Variants in PAPSS1 observed in about 807,000 individuals in gnomAD.
The protein encoded by PAPSS1 is bifunctional 3'-phosphoadenosine 5'-phosphosulfate synthase 1.
PAPSS1 carries 50 observed loss-of-function variants against 72.0 expected under a neutral mutation model. That is an observed-to-expected ratio of 0.69 (90% CI 0.55 to 0.88). PAPSS1 has a LOEUF of 0.88. Among genes scored for constraint, PAPSS1 ranks in the 40% least tolerant of loss-of-function variants. PAPSS1 has a pLI of 0.00. For synonymous variants in PAPSS1, 261 were observed against 263.6 expected, an observed-to-expected ratio of 0.99 and a Z score of 0.09; for missense variants, 657 against 782.2, an observed-to-expected ratio of 0.84 and a Z score of 1.91.
chr4:107,686,690 G>A (rs571085593), intron 4 of PAPSS1, among the ~76,000 whole-genome samples: 5 of 152,270 alleles, frequency 3.3e-5, no homozygotes, highest in African/African-American at 1.2e-4. Context: ...AATAGCTATG[G>A]GATTTCCTCC....
chr4:107,711,233 T>C (rs1445480468), intron 1 of PAPSS1, among the ~76,000 whole-genome samples: 1 of 152,244 alleles, frequency 6.6e-6, no homozygotes, highest in Admixed American at 6.5e-5. Context: ...GGCCATTTAA[T>C]ATTTACTACA....
chr4:107,631,438 T>G (rs59887652), intron 11 of PAPSS1, among the ~76,000 whole-genome samples, 193 bp downstream of exon 11: 16 of 152,304 alleles, frequency 1.1e-4, no homozygotes, highest in African/African-American at 3.6e-4. Context: ...CCTGAAACCA[T>G]GAAACTAGAT....
At chr4:107,655,605 G>C (rs1726982871) in intron 7 of PAPSS1, among the ~76,000 whole-genome samples, 2 of 152,128 alleles carry the variant, frequency 1.3e-5, no homozygotes, top group African/African-American at 4.8e-5. Flanking sequence ...AATAAAGTGT[G>C]CTCTCACATT....
intron 5 of PAPSS1, among the ~76,000 whole-genome samples, chr4:107,664,331 C>G (rs1727261760): frequency 6.6e-6 from 1 of 152,152 alleles, no homozygotes; most frequent in African/African-American, 2.4e-5. Context: ...TTGTCACAAT[C>G]CTAGAGAAGC....
At chr4:107,689,914 C>A (rs1722874763) in intron 3 of PAPSS1, among the ~76,000 whole-genome samples, 1 of 152,182 alleles carries the variant, frequency 6.6e-6, no homozygotes. Flanking sequence ...TCAGAAAGCA[C>A]CATGCTTCAT....
intron 10 of PAPSS1, among the ~76,000 whole-genome samples, chr4:107,634,480 C>G (rs762393429): frequency 1.3e-5 from 2 of 152,132 alleles, no homozygotes; most frequent in African/African-American, 4.8e-5. Context: ...TATTAATTTA[C>G]ATTCCCACCA....
chr4:107,617,861 C>T (rs17495025), intron 11 of PAPSS1, among the ~76,000 whole-genome samples: 36,409 of 152,108 alleles, frequency 0.24, 5,003 homozygotes, highest in Middle Eastern at 0.33. Context: ...CCATGATATA[C>T]GGGTCCATGC....
intron 1 of PAPSS1, among the ~76,000 whole-genome samples, chr4:107,718,621 C>A (rs1377221433): frequency 6.6e-6 from 1 of 152,228 alleles, no homozygotes; most frequent in Non-Finnish European, 1.5e-5. Context: ...CCATGAACTA[C>A]CAGAAGGCAA....
Position 107,687,163 on chromosome 4 carries a change from T to C in PAPSS1, c.426A>G (p.Ala142=), listed in dbSNP as rs1722808267. The C allele has an allele frequency of 1.9e-6, 3 of 1,576,678 alleles. No individual in the cohort carries two copies. The highest frequency in any genetic ancestry group is 1.7e-6 in the Non-Finnish European group (2 of 1,168,484). The change falls in exon 4 of 12, where the codon GCA becomes GCG. Residue 142 remains alanine (A), a synonymous_variant. Coordinates refer to ENST00000265174, the MANE Select transcript of PAPSS1 (RefSeq NM_005443.5). The stretch of plus-strand genomic sequence containing the variant: ...AACTTGCACCTTCATGAATTTGCCT[T>C]GCATTGTTGCGATCCTTAAAAAAAA... ...ISPYTQDRNN[A]RQIHEGASLP...
intron 1 of PAPSS1, among the ~76,000 whole-genome samples, chr4:107,711,105 C>T (rs2726175): frequency 0.96 from 145,652 of 152,374 alleles, 69,684 homozygotes; most frequent in East Asian, 1. Flanking sequence ...CTCATAAAAG[C>T]TAGATACAAG....
At chr4:107,679,551 A>G (rs1727746304) in intron 5 of PAPSS1, among the ~76,000 whole-genome samples, 1 of 152,216 alleles carries the variant, frequency 6.6e-6, no homozygotes, top group Non-Finnish European at 1.5e-5. Flanking sequence ...CACAGTGTCC[A>G]GCATTCACAA....
In PAPSS1 at chr4:107,668,825, T is replaced by G. The variant is rs1727388853; in HGVS notation, c.670-8753A>C. On this transcript the variant is annotated intron_variant, in intron 5 of 11. Coordinates refer to ENST00000265174, the MANE Select transcript of PAPSS1 (RefSeq NM_005443.5). ...CACACACATATATATGTACGTATAT[T>G]CCATTAGTTCTGTCCCTCTAGAGAA... 2.0e-5 allele frequency among the ~76,000 whole-genome samples: 3 copies of G among 152,124 alleles called. 1 individual carries two copies. In the South Asian group the frequency reaches 6.2e-4, roughly 32 times the overall value.
intron 7 of PAPSS1, among the ~76,000 whole-genome samples, chr4:107,655,132 T>C (rs1553919708): frequency 7.1e-6 from 1 of 139,922 alleles, no homozygotes; most frequent in South Asian, 2.2e-4. Flanking sequence ...AAGGAAAAAT[T>C]AAAAGAATCA....
chr4:107,707,886 T>C (rs1330314492), intron 1 of PAPSS1, among the ~76,000 whole-genome samples: 1 of 152,202 alleles, frequency 6.6e-6, no homozygotes, highest in Admixed American at 6.5e-5. Flanking sequence ...TAAATTTCTA[T>C]ACAAATCTTC....
Position 107,656,960 on chromosome 4 carries a change from T to C in PAPSS1, c.831A>G (p.Pro277=). 1.9e-6 allele frequency: 3 copies of C among 1,614,060 alleles called. No homozygotes were observed. The highest frequency in any genetic ancestry group is 1.1e-5 in the South Asian group (1 of 91,084). The part of the protein sequence containing the change: ...VQVLAEGWAT[P]LNGFMREREY... ...CCCTCTCTCTCATAAAGCCATTCAA[T>C]GGGGTTGCCCAACCTTCTGCCAAAA... The change falls in exon 7 of 12, where the codon CCA becomes CCG. Residue 277 remains proline, a synonymous_variant. Transcript: ENST00000265174.
At chr4:107,714,589 T>C (rs1424397358) in intron 1 of PAPSS1, among the ~76,000 whole-genome samples, 1 of 152,186 alleles carries the variant, frequency 6.6e-6, no homozygotes, top group Non-Finnish European at 1.5e-5. Context: ...GCCACAACAA[T>C]TGGATTTTTC....
At chr4:107,643,191 T>A (rs1726598948) in intron 10 of PAPSS1, among the ~76,000 whole-genome samples, 1 of 152,148 alleles carries the variant, frequency 6.6e-6, no homozygotes, top group African/African-American at 2.4e-5. Context: ...TGATCTGAAT[T>A]ACAGAAATAC....
chr4:107,661,695 T>A (rs1240178828), intron 5 of PAPSS1, among the ~76,000 whole-genome samples: 2 of 152,150 alleles, frequency 1.3e-5, no homozygotes, highest in Non-Finnish European at 2.9e-5. Context: ...AAAAATGTAA[T>A]TCAAGATGAA....
At chr4:107,669,862 C>T (rs1052968191) in intron 5 of PAPSS1, among the ~76,000 whole-genome samples, 4 of 152,172 alleles carry the variant, frequency 2.6e-5, no homozygotes, top group Admixed American at 2.0e-4. Context: ...GATTTAATTA[C>T]ATCTCACTTA....
Sources: gnomAD v4.1 joint callset for allele counts (sites outside exome capture counted in the v4.1 genomes callset) on GRCh38, gnomAD v4.1.1 for gene constraint, MANE v1.5 for transcripts, NCBI Gene and HGNC (gene_info 2026-07-23, HGNC 2026-07-21) for gene names.